Variants in NAV2 observed in about 807,000 individuals in gnomAD.
The protein encoded by NAV2 is helicase, APC down-regulated 1.
NAV2 carries 54 observed loss-of-function variants against 223.2 expected under a neutral mutation model. The ratio of observed to expected loss-of-function variants is 0.24; its 90% CI spans 0.19 to 0.30. The LOEUF (loss-of-function observed/expected upper bound fraction) is 0.30. Among genes scored for constraint, NAV2 ranks in the 10% least tolerant of loss-of-function variants. The pLI is 1.00. For missense variants in NAV2, 2,806 were observed against 3,147.5 expected, an observed-to-expected ratio of 0.89 and a Z score of 2.60; for synonymous variants, 1,279 against 1,239.3, an observed-to-expected ratio of 1.03 and a Z score of -0.67.
At chr11:19,562,958 G>A (rs1360113642) in intron 1 of NAV2, among the ~76,000 whole-genome samples, 2 of 152,110 alleles carry the variant, frequency 1.3e-5, no homozygotes, top group Non-Finnish European at 2.9e-5. Flanking sequence ...TCAAAACATG[G>A]AGTAGGCCCT....
chr11:19,479,993 T>A (rs774064391), intron 1 of NAV2, among the ~76,000 whole-genome samples: 1 of 152,166 alleles, frequency 6.6e-6, no homozygotes, highest in Non-Finnish European at 1.5e-5. Context: ...GAAAACATAG[T>A]CACTCCCTTT....
At chr11:19,535,523 A>T (rs749650370) in intron 1 of NAV2, among the ~76,000 whole-genome samples, 1 of 152,148 alleles carries the variant, frequency 6.6e-6, no homozygotes, top group Admixed American at 6.5e-5. Context: ...CGGGTGATAT[A>T]CTTTTAATTA....
intron 1 of NAV2, among the ~76,000 whole-genome samples, chr11:19,493,900 A>G (rs998720046): frequency 6.6e-6 from 1 of 152,242 alleles, no homozygotes; most frequent in Non-Finnish European, 1.5e-5. Flanking sequence ...AAAGAAAGCA[A>G]TGTATCAGAC....
In NAV2 at chr11:19,964,393, A is replaced by T. The variant is rs1320460479; in HGVS notation, c.2645+15313A>T. On this transcript the variant is annotated intron_variant, in intron 10 of 37. Coordinates refer to ENST00000349880, the MANE Select transcript of NAV2 (RefSeq NM_145117.5). The stretch of plus-strand genomic sequence containing the variant: ...CCAAGTATATATAACGGTTAATAAT[A>T]ATGACCATTGTAATAATATTAACAC... 2.0e-5 allele frequency among the ~76,000 whole-genome samples: 3 copies of T among 152,150 alleles called. No homozygotes were observed. The East Asian group carries it at 5.8e-4, about 29-fold the overall frequency.
intron 5 of NAV2, among the ~76,000 whole-genome samples, chr11:19,886,158 T>TTA (rs1343513956): frequency 1.3e-5 from 2 of 151,672 alleles, no homozygotes; most frequent in African/African-American, 4.8e-5. Context: ...TTTTTTTTTT[T>TTA]TTAAAGGTGG....
intron 1 of NAV2, among the ~76,000 whole-genome samples, chr11:19,763,299 T>C (rs1051817168): frequency 6.6e-6 from 1 of 152,244 alleles, no homozygotes; most frequent in Non-Finnish European, 1.5e-5. Context: ...GTGATTGATA[T>C]CTGGAGTTTA....
At chr11:19,692,187 C>A (rs2049194389) in intron 1 of NAV2, among the ~76,000 whole-genome samples, 1 of 152,230 alleles carries the variant, frequency 6.6e-6, no homozygotes, top group Non-Finnish European at 1.5e-5. Context: ...AAGACCCACA[C>A]TGGCTGAGGG....
intron 17 of NAV2, 74 bp downstream of exon 17, chr11:20,051,407 C>A: frequency 7.0e-7 from 1 of 1,421,654 alleles, no homozygotes; most frequent in Non-Finnish European, 1.0e-6. Context: ...TCCTTCATGG[C>A]TGGTGGGGGT....
At chr11:19,705,648 C>A (rs895026686) in intron 1 of NAV2, among the ~76,000 whole-genome samples, 1 of 151,954 alleles carries the variant, frequency 6.6e-6, no homozygotes, top group Non-Finnish European at 1.5e-5. Flanking sequence ...TCCTTCTGTG[C>A]CAAAACAACC....
chr11:20,049,983 G>C, intron 16 of NAV2, 82 bp downstream of exon 16: 1 of 1,393,308 alleles, frequency 7.2e-7, no homozygotes, highest in South Asian at 1.2e-5. Context: ...TCTTGTGCGA[G>C]GCTGTTGGCC....
intron 1 of NAV2, among the ~76,000 whole-genome samples, chr11:19,547,395 G>C (rs1395326263): frequency 6.6e-6 from 1 of 152,136 alleles, no homozygotes; most frequent in African/African-American, 2.4e-5. Flanking sequence ...CACCAAAATA[G>C]CTTTCTTCTG....
intron 36 of NAV2, 93 bp downstream of exon 36, chr11:20,107,875 A>T (rs2062277506): frequency 2.3e-6 from 2 of 879,508 alleles, no homozygotes; most frequent in Admixed American, 1.8e-5. Context: ...CAGGAATCTG[A>T]CTGACATGGG....
At chr11:19,355,003 A>G (rs1853535835) in intron 1 of NAV2, among the ~76,000 whole-genome samples, 3 of 152,198 alleles carry the variant, frequency 2.0e-5, no homozygotes, top group African/African-American at 7.2e-5. Flanking sequence ...TGCTGAAGTG[A>G]GGAAAAAGCC....
At chr11:19,363,742 T>A (rs80312682) in intron 1 of NAV2, among the ~76,000 whole-genome samples, 2,840 of 152,332 alleles carry the variant, frequency 0.019, 78 homozygotes, top group African/African-American at 0.065. Context: ...CTAGACCACC[T>A]GTACCTCTCA....
At chr11:19,622,568 A>G (rs1239236189) in intron 1 of NAV2, among the ~76,000 whole-genome samples, 2 of 152,196 alleles carry the variant, frequency 1.3e-5, no homozygotes, top group Non-Finnish European at 2.9e-5. Context: ...ATCAGAGACT[A>G]GGATTGCAAC....
intron 22 of NAV2, among the ~76,000 whole-genome samples, chr11:20,070,774 T>C (rs1405460011): frequency 6.6e-6 from 1 of 152,146 alleles, no homozygotes; most frequent in Non-Finnish European, 1.5e-5. Flanking sequence ...TGTGTGTGGC[T>C]CTGAACCAGG....
intron 1 of NAV2, among the ~76,000 whole-genome samples, chr11:19,428,945 C>T (rs762589262): frequency 5.9e-5 from 9 of 152,208 alleles, no homozygotes; most frequent in Non-Finnish European, 1.3e-4. Context: ...AGGTTAGAAA[C>T]GCCTTCCTGC....
chr11:19,481,385 T>C (rs2134000555), intron 1 of NAV2, among the ~76,000 whole-genome samples: 1 of 152,256 alleles, frequency 6.6e-6, no homozygotes, highest in South Asian at 2.1e-4. Flanking sequence ...AGGACATCTA[T>C]ACCAATGCTC....
At chr11:20,084,749 C>T (rs999540647) in intron 26 of NAV2, among the ~76,000 whole-genome samples, 1 of 152,150 alleles carries the variant, frequency 6.6e-6, no homozygotes, top group African/African-American at 2.4e-5. Flanking sequence ...TCACACATGC[C>T]ATCATCCCAA....
Sources: gnomAD v4.1 joint callset for allele counts (sites outside exome capture counted in the v4.1 genomes callset) on GRCh38, gnomAD v4.1.1 for gene constraint, MANE v1.5 for transcripts, NCBI Gene and HGNC (gene_info 2026-07-23, HGNC 2026-07-21) for gene names.